BLOC1S3: variants seen among roughly 807,000 people sequenced by gnomAD.
The protein encoded by BLOC1S3 is biogenesis of lysosomal organelles complex 1 subunit 3, also known as biogenesis of lysosome-related organelles complex 1 subunit 3.
In BLOC1S3, 7 loss-of-function variants were observed where a neutral mutation model predicts 9.1. The observed-to-expected ratio is 0.77, with a 90% confidence interval of 0.44 to 1.45. The LOEUF is 1.45. BLOC1S3 is among the 40% of genes most tolerant of loss of function. The pLI is 0.01. For synonymous variants in BLOC1S3, 145 were observed against 158.4 expected, an observed-to-expected ratio of 0.92 and a Z score of 0.64; for missense variants, 307 against 315.2, an observed-to-expected ratio of 0.97 and a Z score of 0.20.
At chr19:45,214,285 T>C (rs1490203833) in intron 3 of BLOC1S3, among the ~76,000 whole-genome samples, 1 of 152,088 alleles carries the variant, frequency 6.6e-6, no homozygotes, top group Non-Finnish European at 1.5e-5. Flanking sequence ...CGCTCATGCC[T>C]CACTCCTTGT....
At chr19:45,207,555 CAAAAAAAAAAAAAAAA>C (rs58164218) in intron 3 of BLOC1S3, among the ~76,000 whole-genome samples, 3 of 64,748 alleles carry the variant, frequency 4.6e-5, no homozygotes, top group Non-Finnish European at 7.2e-5. Context: ...GACTCTGTCT[CAAAAAAAAAAAAAAAA>C]AAAAAAAAAA....
At chr19:45,214,312 TTC>T (rs1969810532) in intron 3 of BLOC1S3, among the ~76,000 whole-genome samples, 1 of 152,160 alleles carries the variant, frequency 6.6e-6, no homozygotes, top group African/African-American at 2.4e-5. Context: ...GGGGTTCTGT[TTC>T]TCTGAGTATG....
At chr19:45,193,331 C>T (rs946312302) in intron 2 of BLOC1S3, among the ~76,000 whole-genome samples, 1 of 152,046 alleles carries the variant, frequency 6.6e-6, no homozygotes, top group Admixed American at 6.6e-5. Context: ...TCTATTCAGC[C>T]ATCTTCCCCT....
rs781378852 is a variant in BLOC1S3, at chr19:45,179,262, G to A, written c.-9-26G>A. On this transcript the variant is annotated intron_variant, in intron 1 of 1. Coordinates refer to ENST00000433642, the MANE Select transcript of BLOC1S3 (RefSeq NM_212550.5). The surrounding 1 kb of genome is among the most constrained non-coding windows in gnomAD (Gnocchi z 4.6). ...ACCCACCGCGGCGCCGGTCTCACGT[G>A]CAGTCCCTTCGCTCTTCTCCCCTAG... 3 of 1,527,076 alleles carry A rather than the reference G, an allele frequency of 2.0e-6. No individual in the cohort carries two copies. The highest frequency in any genetic ancestry group is 2.5e-5 in the East Asian group (1 of 40,166). The allele number at this position is 1,527,076 out of a possible 1,614,324, so 94.6% of individuals were successfully genotyped here. A position where few individuals can be genotyped will look rare whatever the true frequency, so the allele number is the denominator to read the frequency against.
At chr19:45,216,061 G>GGGGTGTCTCACCTGATGTCT in intron 3 of BLOC1S3, 1 of 1,613,180 alleles carries the variant, frequency 6.2e-7, no homozygotes, top group Non-Finnish European at 8.5e-7. Context: ...TGGCCCAGGC[G>GGGGTGTCTCACCTGATGTCT]GGGTGTCTCA....
chr19:45,183,748 T>G (rs958321139), downstream of BLOC1S3, among the ~76,000 whole-genome samples: 2 of 147,018 alleles, frequency 1.4e-5, no homozygotes, highest in African/African-American at 5.0e-5. Flanking sequence ...TGCTTCAGCC[T>G]CCTGAGTAGC....
Position 45,179,555 on chromosome 19 carries a change from C to G in BLOC1S3, c.259C>G (p.Arg87Gly). The change falls in exon 2 of 2, where the codon CGG (arginine) becomes GGG (glycine). Residue 87 changes from arginine to glycine, a missense_variant. Physicochemically the swap from Arg to Gly is moderately radical, Grantham distance 125 (BLOSUM62 -2). Coordinates refer to ENST00000433642, the MANE Select transcript of BLOC1S3 (RefSeq NM_212550.5). The surrounding 1 kb of genome is among the most constrained non-coding windows in gnomAD (Gnocchi z 4.6). ...GGACCTGCCTCCACTCGTGGTGCAGCGGGAATCGGCGGAGGAGGCCTGGGG... is the reference window on the plus strand; with the variant it reads ...GGACCTGCCTCCACTCGTGGTGCAGGGGGAATCGGCGGAGGAGGCCTGGGG... The part of the protein sequence containing the change: ...PRDLPPLVVQ[R>G]ESAEEAWGTE... 2 of 1,518,348 alleles carry G rather than the reference C, an allele frequency of 1.3e-6. No individual in the cohort carries two copies. Among genetic ancestry groups the G allele is most frequent in the South Asian group, 1.2e-5 (1 of 82,192 alleles). 94.1% of individuals were successfully genotyped at this position (1,518,348 alleles called of 1,614,324 possible).
intron 3 of BLOC1S3, among the ~76,000 whole-genome samples, chr19:45,211,510 G>GAAA (rs576231552): frequency 9.1e-6 from 1 of 109,558 alleles, no homozygotes; most frequent in Non-Finnish European, 1.9e-5. Flanking sequence ...GACTCTGACT[G>GAAA]AAAAAAAAAA....
intron 2 of BLOC1S3, among the ~76,000 whole-genome samples, chr19:45,188,521 C>T (rs1353751690): frequency 1.3e-5 from 2 of 149,558 alleles, no homozygotes; most frequent in African/African-American, 4.9e-5. Flanking sequence ...GATGTGCTGT[C>T]AAATAGTAGA....
intron 3 of BLOC1S3, among the ~76,000 whole-genome samples, chr19:45,206,838 A>T (rs903415225): frequency 6.6e-6 from 1 of 151,144 alleles, no homozygotes; most frequent in African/African-American, 2.4e-5. Context: ...TTGTTTTATT[A>T]TTTTATTTAT....
chr19:45,188,159 A>G (rs975070605), intron 2 of BLOC1S3, among the ~76,000 whole-genome samples: 2 of 152,064 alleles, frequency 1.3e-5, no homozygotes, highest in Non-Finnish European at 2.9e-5. Context: ...AGTAGCTGGG[A>G]TTACAAGTGT....
In BLOC1S3 at chr19:45,193,145, A is replaced by C. The variant is rs1041923955; in HGVS notation, n.180+5405A>C. ...AAAACTCCGTCTCAAAAAAAAAAAA[A>C]AAAAAAAAAAAAAAAGAGACTATTT... On this transcript the variant is annotated intron_variant and non_coding_transcript_variant, in intron 2 of 3. Coordinates refer to the BLOC1S3 transcript ENST00000591569. 2.7e-3 allele frequency among the ~76,000 whole-genome samples: 366 copies of C among 133,362 alleles called. 4 individuals carry two copies. Among genetic ancestry groups the C allele is most frequent in the African/African-American group, 0.014 (349 of 24,842 alleles). 87.5% of individuals were successfully genotyped at this position (133,362 alleles called of 152,430 possible). A position where few individuals can be genotyped will look rare whatever the true frequency, so the allele number is the denominator to read the frequency against.
At chr19:45,209,664 G>A (rs1316994150) in intron 3 of BLOC1S3, among the ~76,000 whole-genome samples, 10 of 151,748 alleles carry the variant, frequency 6.6e-5, no homozygotes, top group Non-Finnish European at 1.5e-4. Context: ...CTCGTGATCC[G>A]CCCGCCTCGG....
intron 1 of BLOC1S3, chr19:45,187,502 G>A (rs150518745): frequency 3.3e-4 from 50 of 152,474 alleles, no homozygotes; most frequent in African/African-American, 1.2e-3. Flanking sequence ...CACTGACCCA[G>A]GGCCCTTTGT....
intron 2 of BLOC1S3, among the ~76,000 whole-genome samples, chr19:45,191,280 G>A (rs1034811176): frequency 2.0e-5 from 3 of 151,554 alleles, no homozygotes; most frequent in East Asian, 1.9e-4. Flanking sequence ...GCACCACCAC[G>A]CCCAGCTAAT....
At chr19:45,189,596 CT>C (rs71338753) in intron 2 of BLOC1S3, among the ~76,000 whole-genome samples, 1,759 of 115,994 alleles carry the variant, frequency 0.015, 25 homozygotes, top group African/African-American at 0.043. Flanking sequence ...CCAAGCCTGG[CT>C]TTTTTTTTTT....
At chr19:45,212,217 G>A (rs553718539) in intron 3 of BLOC1S3, among the ~76,000 whole-genome samples, 20 of 152,292 alleles carry the variant, frequency 1.3e-4, no homozygotes, top group African/African-American at 2.4e-4. Flanking sequence ...ATGGGTTGGC[G>A]TCGCTCCCAG....
intron 2 of BLOC1S3, among the ~76,000 whole-genome samples, chr19:45,198,700 T>G (rs1969667915): frequency 6.6e-6 from 1 of 151,886 alleles, no homozygotes; most frequent in Non-Finnish European, 1.5e-5. Context: ...TTGTTTTTGT[T>G]TTTGTTTTTG....
At chr19:45,213,765 C>T (rs1001873565) in intron 3 of BLOC1S3, among the ~76,000 whole-genome samples, 2 of 150,440 alleles carry the variant, frequency 1.3e-5, no homozygotes, top group African/African-American at 2.5e-5. Flanking sequence ...GCCAACATGG[C>T]GAAACCCTCT....
Sources: allele counts gnomAD v4.1 joint callset (sites outside exome capture counted in the v4.1 genomes callset), GRCh38; gene constraint gnomAD v4.1.1; non-coding constraint Gnocchi (gnomAD v3.1); transcripts MANE v1.5; gene names NCBI Gene and HGNC (gene_info 2026-07-23, HGNC 2026-07-21).